The following LUZP2 variants were observed in gnomAD, a reference collection of about 807,000 sequenced individuals.
LUZP2 encodes the protein leucine zipper protein 2.
LUZP2 carries 52 observed loss-of-function variants against 51.6 expected under a neutral mutation model. The observed-to-expected ratio is 1.01, with a 90% CI of 0.81 to 1.27. The LOEUF (loss-of-function observed/expected upper bound fraction) is 1.27, where lower values mean the gene tolerates loss of function less well. Ranked by LOEUF, LUZP2 falls within the 50% of genes most tolerant of loss-of-function variation. LUZP2 has a pLI of 0.00. For missense variants in LUZP2, 436 were observed against 395.4 expected (o/e 1.10, Z -0.87); for synonymous variants, 154 against 137.3 (o/e 1.12, Z -0.85).
intron 1 of LUZP2, among the ~76,000 whole-genome samples, chr11:24,628,592 G>A (rs1231014850): frequency 3.3e-5 from 5 of 151,752 alleles, no homozygotes; most frequent in Admixed American, 6.6e-5. Context: ...ATGGAGTCTC[G>A]CTCTCTCCCA....
At chr11:24,852,188 T>A (rs1356866978) in intron 5 of LUZP2, among the ~76,000 whole-genome samples, 1 of 152,180 alleles carries the variant, frequency 6.6e-6, no homozygotes, top group Non-Finnish European at 1.5e-5. Context: ...GTTCTTTTCA[T>A]TGTGATGTTA....
At chr11:24,630,673 CTT>C (rs57556855) in intron 1 of LUZP2, among the ~76,000 whole-genome samples, 30,967 of 131,526 alleles carry the variant, frequency 0.24, 3,667 homozygotes, top group African/African-American at 0.36. Context: ...GCTATTCCGA[CTT>C]TTTTTTTTTT....
chr11:24,972,339 C>A (rs752582858), intron 7 of LUZP2, among the ~76,000 whole-genome samples: 2 of 151,878 alleles, frequency 1.3e-5, no homozygotes, highest in Non-Finnish European at 2.9e-5. Context: ...TACTATTGAA[C>A]TGGTACTACT....
intron 1 of LUZP2, among the ~76,000 whole-genome samples, chr11:24,520,242 CA>C (rs11318256): frequency 0.16 from 24,267 of 151,584 alleles, 3,611 homozygotes; most frequent in African/African-American, 0.39. Flanking sequence ...ACACATTTTA[CA>C]AAAAAAGGTT....
chr11:24,559,223 T>A lies in LUZP2; in HGVS notation c.62+61918T>A, dbSNP rs1254124139. On this transcript the variant is annotated intron_variant, in intron 1 of 11. Coordinates refer to ENST00000336930, the MANE Select transcript of LUZP2 (RefSeq NM_001009909.4). Reference sequence around the variant, plus strand: ...TAAAAAATAAGAAAAAACAAGTAGATTTGTAAAAATTTTGTGTTAAATTAT... The same window carrying A: ...TAAAAAATAAGAAAAAACAAGTAGAATTGTAAAAATTTTGTGTTAAATTAT... Among the ~76,000 whole-genome samples the A allele has an allele frequency of 2.6e-5, 4 of 152,196 alleles. No individual in the cohort carries two copies. In the East Asian group the frequency reaches 5.8e-4, roughly 22 times the overall value.
intron 1 of LUZP2, among the ~76,000 whole-genome samples, chr11:24,610,886 A>G (rs1454940056): frequency 2.0e-5 from 3 of 152,206 alleles, no homozygotes; most frequent in African/African-American, 4.8e-5. Context: ...CGAAGGTTGC[A>G]GTGAGTCAAA....
intron 4 of LUZP2, chr11:24,751,571 C>A: frequency 1.0e-6 from 1 of 982,494 alleles, no homozygotes; most frequent in Non-Finnish European, 1.2e-6. Flanking sequence ...GTAGTACCCA[C>A]CCCATCTCCC....
At chr11:25,072,850 G>T (rs1456742738) in intron 10 of LUZP2, among the ~76,000 whole-genome samples, 3 of 151,236 alleles carry the variant, frequency 2.0e-5, no homozygotes, top group Non-Finnish European at 4.4e-5. Flanking sequence ...GTGTCATCTT[G>T]AAGCCTATAT....
At position 25,021,304 on chromosome 11, in the gene LUZP2, A is replaced by G. The variant is rs993486335; in HGVS notation, c.766-28734A>G. 1.3e-4 allele frequency among the ~76,000 whole-genome samples: 4 copies of G among 30,718 alleles called. No individual in the cohort carries two copies. In the African/African-American group the frequency reaches 1.6e-3, roughly 12 times the overall value. The allele number at this position is 30,718 out of a possible 152,430, so 20.2% of individuals were successfully genotyped here. A position where few individuals can be genotyped will look rare whatever the true frequency, so the allele number is the denominator to read the frequency against. Reference sequence around the variant, plus strand: ...CAAGGATAATTGGGAATTTGTCAGAAAAAAAAAAAGGATGTTTTGGGAAGT... The same window carrying G: ...CAAGGATAATTGGGAATTTGTCAGAGAAAAAAAAAGGATGTTTTGGGAAGT... On this transcript the variant is annotated intron_variant, in intron 9 of 11. Coordinates refer to ENST00000336930, the MANE Select transcript of LUZP2 (RefSeq NM_001009909.4).
chr11:24,626,719 C>T (rs1854697611), intron 1 of LUZP2, among the ~76,000 whole-genome samples: 1 of 152,056 alleles, frequency 6.6e-6, no homozygotes, highest in Non-Finnish European at 1.5e-5. Flanking sequence ...ACAATGAAGG[C>T]TAATCAATAT....
At chr11:24,750,954 T>C (rs950369280) in intron 4 of LUZP2, among the ~76,000 whole-genome samples, 1 of 152,198 alleles carries the variant, frequency 6.6e-6, no homozygotes, top group African/African-American at 2.4e-5. Flanking sequence ...AATCAAAATA[T>C]ATGGAAAGTG....
intron 5 of LUZP2, among the ~76,000 whole-genome samples, chr11:24,810,600 G>A (rs751046950): frequency 2.0e-5 from 3 of 152,082 alleles, no homozygotes; most frequent in East Asian, 1.9e-4. Flanking sequence ...TTACTTCCTC[G>A]TGGGTGAGAT....
intron 1 of LUZP2, among the ~76,000 whole-genome samples, chr11:24,622,085 C>A (rs910071963): frequency 6.6e-6 from 1 of 151,958 alleles, no homozygotes; most frequent in East Asian, 1.9e-4. Flanking sequence ...GGACTACAGG[C>A]ATGTGCCACC....
chr11:24,962,834 T>G (rs1855456406), intron 7 of LUZP2, among the ~76,000 whole-genome samples: 1 of 152,222 alleles, frequency 6.6e-6, no homozygotes, highest in African/African-American at 2.4e-5. Flanking sequence ...GGAAGAGAGG[T>G]GCTCTGCTTT....
At chr11:24,646,616 A>G in intron 1 of LUZP2, 1 of 984,522 alleles carries the variant, frequency 1.0e-6, no homozygotes, top group Non-Finnish European at 1.2e-6. Flanking sequence ...TTTGTCAGGT[A>G]TCAATGATTT....
At chr11:24,534,155 T>G (rs994823258) in intron 1 of LUZP2, among the ~76,000 whole-genome samples, 2 of 151,318 alleles carry the variant, frequency 1.3e-5, no homozygotes, top group Non-Finnish European at 3.0e-5. Flanking sequence ...GTTGGAGTTT[T>G]AAGTTGTTTC....
At chr11:24,892,333 A>C (rs554891595) in intron 5 of LUZP2, 1 of 985,428 alleles carries the variant, frequency 1.0e-6, no homozygotes, top group African/African-American at 1.7e-5. Flanking sequence ...GCCTCGAAAG[A>C]CATTCAAATT....
chr11:24,646,740 G>C (rs1855473053), intron 1 of LUZP2: 1 of 280,124 alleles, frequency 3.6e-6, no homozygotes, highest in Non-Finnish European at 5.4e-6. Flanking sequence ...AAACTGCAAG[G>C]TAACTTGAAA....
intron 4 of LUZP2, among the ~76,000 whole-genome samples, chr11:24,752,170 CT>C (rs1859616526): frequency 1.3e-5 from 2 of 152,098 alleles, no homozygotes; most frequent in South Asian, 4.2e-4. Context: ...TAAATAGAAA[CT>C]TTATCGTGCC....
Sources: gnomAD v4.1 joint callset for allele counts (sites outside exome capture counted in the v4.1 genomes callset) on GRCh38, gnomAD v4.1.1 for gene constraint, MANE v1.5 for transcripts, NCBI Gene and HGNC (gene_info 2026-07-23, HGNC 2026-07-21) for gene names.